CHD7: variants seen among roughly 807,000 people sequenced by gnomAD.
CHD7 encodes chromodomain helicase DNA binding protein 7, also known as ATP-dependent chromatin remodeler CHD7.
In CHD7, 24 loss-of-function variants were observed where a neutral mutation model predicts 307.3. The ratio of observed to expected loss-of-function variants is 0.08; its 90% confidence interval spans 0.06 to 0.11. The LOEUF (loss-of-function observed/expected upper bound fraction) is 0.11, where lower values mean the gene tolerates loss of function less well. Among genes scored for constraint, CHD7 ranks in the 10% least tolerant of loss-of-function variants. The pLI is 1.00. For missense variants in CHD7, 3,106 were observed against 3,727.1 expected, an observed-to-expected ratio of 0.83 and a Z score of 4.34; for synonymous variants, 1,363 against 1,349.9, an observed-to-expected ratio of 1.01 and a Z score of -0.21.
chr8:60,784,597 C>T (rs571420998), intron 3 of CHD7, among the ~76,000 whole-genome samples: 1 of 152,236 alleles, frequency 6.6e-6, no homozygotes, highest in South Asian at 2.1e-4. Context: ...GAAGGCTGGC[C>T]GTTGTCAGGG....
At position 60,779,025 on chromosome 8, in the gene CHD7, C is replaced by T. The variant is rs183801300; in HGVS notation, c.1666-1975C>T. Among the ~76,000 whole-genome samples, 334 of 152,286 alleles carry T rather than the reference C, an allele frequency of 2.2e-3. 2 individuals carry two copies. The highest frequency in any genetic ancestry group is 7.7e-3 in the African/African-American group (322 of 41,550). ...TGTGTATTCTTCTTCAAACTTTGACCTTGCCTCTGTGTTTCCTATATATCG... is the reference window on the plus strand; with the variant it reads ...TGTGTATTCTTCTTCAAACTTTGACTTTGCCTCTGTGTTTCCTATATATCG... On this transcript the variant is annotated intron_variant, in intron 2 of 37. Transcript: ENST00000423902.
intron 15 of CHD7, among the ~76,000 whole-genome samples, chr8:60,831,809 C>A (rs182724841): frequency 1.3e-5 from 2 of 152,068 alleles, no homozygotes; most frequent in Non-Finnish European, 2.9e-5. Flanking sequence ...CCTGGTCTGT[C>A]TTTATCACAG....
intron 2 of CHD7, among the ~76,000 whole-genome samples, chr8:60,779,431 G>A (rs1811099733): frequency 6.6e-6 from 1 of 152,168 alleles, no homozygotes; most frequent in African/African-American, 2.4e-5. Context: ...TCAAATCTTA[G>A]CTCCGTCACT....
rs373873996 is a variant in CHD7 at position 60,800,496 on chromosome 8, C to T, written c.2347C>T (p.Pro783Ser). 54 of 1,613,728 alleles carry T rather than the reference C, an allele frequency of 3.3e-5. No homozygotes were observed. The East Asian group carries it at 6.2e-4, about 19-fold the overall frequency. Residue 783 changes from proline (P) to serine (S), a missense_variant, in exon 5 of 38, where the codon CCC (proline) becomes TCC (serine). This residue lies in a region of CHD7 where 998 missense variants were observed against 1,004.5 expected (regional missense o/e 0.99). Transcript: ENST00000423902. ...TGCAGATGCTGCTGGGAGGGATTCC[C>T]CCTCCAACACCTCCCAGTCAGAACA... ...DDADAAGRDS[P>S]SNTSQSEQQE...
chr8:60,848,279 G>A (rs998086402), intron 23 of CHD7, among the ~76,000 whole-genome samples: 2 of 152,240 alleles, frequency 1.3e-5, no homozygotes, highest in Admixed American at 6.5e-5. Flanking sequence ...GCTGGGCTGA[G>A]CTCGGGCCCT....
chr8:60,854,551 TGCTGACC>T, intron 32 of CHD7, 28 bp downstream of exon 32: 1 of 1,563,210 alleles, frequency 6.4e-7, no homozygotes, highest in South Asian at 1.2e-5. Flanking sequence ...GCTGTTGTTT[TGCTGACC>T]AAAAAGGATT....
intron 2 of CHD7, among the ~76,000 whole-genome samples, chr8:60,770,807 C>T (rs1810672881): frequency 6.6e-6 from 1 of 152,102 alleles, no homozygotes; most frequent in African/African-American, 2.4e-5. Context: ...CTGAACGGGT[C>T]CTACCTCTGC....
intron 1 of CHD7, among the ~76,000 whole-genome samples, chr8:60,705,887 A>G (rs1807000956): frequency 6.6e-6 from 1 of 152,228 alleles, no homozygotes; most frequent in Non-Finnish European, 1.5e-5. Flanking sequence ...ATTGCTTACC[A>G]GGCATTTTAA....
Position 60,848,387 on chromosome 8 carries a change from G to T in CHD7, c.5211-128G>T, listed in dbSNP as rs928131247. On this transcript the variant is annotated intron_variant, in intron 23 of 37. Transcript: ENST00000423902. ...TGTGCCACCATCTGTCACGCTTCAA[G>T]CCTACCATACAGCATGGCTAATCAG... The T allele has an allele frequency of 3.3e-5, 21 of 636,256 alleles. No individual in the cohort carries two copies. The Admixed American group carries it at 5.0e-4, about 15-fold the overall frequency. The allele number at this position is 636,256 out of a possible 1,614,324, so 39.4% of individuals were successfully genotyped here. A position where few individuals can be genotyped will look rare whatever the true frequency, so the allele number is the denominator to read the frequency against.
At chr8:60,861,441 A>G in intron 35 of CHD7, 1 of 265,804 alleles carries the variant, frequency 3.8e-6, no homozygotes, top group South Asian at 7.1e-5. Flanking sequence ...CAGTCTTAGT[A>G]TTGGGGTAAC....
intron 19 of CHD7, among the ~76,000 whole-genome samples, chr8:60,840,742 C>T (rs572486163): frequency 3.3e-5 from 5 of 152,094 alleles, no homozygotes; most frequent in South Asian, 4.2e-4. Context: ...CTCAGCTTCC[C>T]GAGTAGCTGG....
rs575385098 is a variant in CHD7, at chr8:60,787,923, C to T, written c.2096+6493C>T. Among the ~76,000 whole-genome samples, 312 of 149,826 alleles carry T rather than the reference C, an allele frequency of 2.1e-3. 1 individual carries two copies. The highest frequency in any genetic ancestry group is 7.2e-3 in the African/African-American group (293 of 40,576). On this transcript the variant is annotated intron_variant, in intron 3 of 37. Coordinates refer to ENST00000423902, the MANE Select transcript of CHD7 (RefSeq NM_017780.4). Reference sequence around the variant, plus strand: ...GGCTCACTGCAACCTCAGGTTCAAGCGATTCTACTGCCTCAGCCTCCCTAG... The same window carrying T: ...GGCTCACTGCAACCTCAGGTTCAAGTGATTCTACTGCCTCAGCCTCCCTAG...
At chr8:60,824,208 G>C in intron 13 of CHD7, 192 bp downstream of exon 13, 1 of 562,582 alleles carries the variant, frequency 1.8e-6, no homozygotes, top group Non-Finnish European at 3.1e-6. Flanking sequence ...GCTAGTGTCT[G>C]TTAAACAGTT....
At chr8:60,743,215 TTTTA>T in intron 2 of CHD7, 118 bp downstream of exon 2, 1 of 845,648 alleles carries the variant, frequency 1.2e-6, no homozygotes, top group Non-Finnish European at 1.9e-6. Context: ...GTGCCTTAAT[TTTTA>T]TTTGTTATTG....
chr8:60,836,835 C>G lies in CHD7; in HGVS notation c.4008C>G (p.Ile1336Met). The change falls in exon 17 of 38, where the codon ATC becomes ATG. Residue 1336 changes from isoleucine to methionine, a missense_variant. Coordinates refer to ENST00000423902, the MANE Select transcript of CHD7 (RefSeq NM_017780.4). ...TTTCTAGGTACCCATATGAAAGGAT[C>G]GACGGCCGAGTAAGAGGCAACCTCC... ...LIQRRYPYER[I>M]DGRVRGNLRQ... 1 of 1,613,718 alleles carries G rather than the reference C, an allele frequency of 6.2e-7. No homozygotes were observed. Among genetic ancestry groups the G allele is most frequent in the Non-Finnish European group, 8.5e-7 (1 of 1,179,722 alleles).
intron 3 of CHD7, among the ~76,000 whole-genome samples, chr8:60,792,237 TCTTGA>T (rs1278597413): frequency 6.6e-6 from 1 of 152,184 alleles, no homozygotes; most frequent in Non-Finnish European, 1.5e-5. Context: ...AAAAGAAAAA[TCTTGA>T]CTTGGATATT....
chr8:60,747,519 G>A (rs1334567629), intron 2 of CHD7, among the ~76,000 whole-genome samples: 1 of 152,180 alleles, frequency 6.6e-6, no homozygotes, highest in Non-Finnish European at 1.5e-5. Context: ...GACAAAATTA[G>A]TGGCATTGTT....
chr8:60,760,462 G>C (rs898831302), intron 2 of CHD7, among the ~76,000 whole-genome samples: 6 of 145,748 alleles, frequency 4.1e-5, no homozygotes, highest in African/African-American at 1.5e-4. Flanking sequence ...AACACCAAAA[G>C]CAATGGCAAC....
At chr8:60,770,693 G>A (rs1810666611) in intron 2 of CHD7, among the ~76,000 whole-genome samples, 1 of 151,998 alleles carries the variant, frequency 6.6e-6, no homozygotes, top group South Asian at 2.1e-4. Flanking sequence ...TCCCTGTGAT[G>A]ATTTACATGG....
Sources: allele counts gnomAD v4.1 joint callset (sites outside exome capture counted in the v4.1 genomes callset), GRCh38; gene constraint gnomAD v4.1.1; regional missense constraint gnomAD v4.1.1; transcripts MANE v1.5; gene names NCBI Gene and HGNC (gene_info 2026-07-23, HGNC 2026-07-21).